The following ZFYVE28 variants were observed in gnomAD, a reference collection of about 807,000 sequenced individuals.
ZFYVE28 encodes zinc finger FYVE-type containing 28, also known as lateral signaling target protein 2 homolog.
A neutral mutation model predicts 82.1 loss-of-function variants in ZFYVE28; 40 were observed. The observed-to-expected ratio is 0.49, with a 90% confidence interval of 0.38 to 0.63. The LOEUF is 0.63. Among genes scored for constraint, ZFYVE28 ranks in the 30% least tolerant of loss-of-function variants. ZFYVE28 has a pLI of 0.00. For synonymous variants in ZFYVE28, 612 were observed against 546.1 expected (o/e 1.12, Z -1.68); for missense variants, 1,321 against 1,242.1 (o/e 1.06, Z -0.96).
intron 1 of ZFYVE28, among the ~76,000 whole-genome samples, chr4:2,357,143 C>T (rs187467633): frequency 2.1e-4 from 32 of 152,290 alleles, no homozygotes; most frequent in African/African-American, 7.2e-4. Flanking sequence ...ATGATCCATC[C>T]GCCTCGGCCT....
At chr4:2,380,038 T>A (rs9992058) in intron 1 of ZFYVE28, among the ~76,000 whole-genome samples, 27,286 of 152,096 alleles carry the variant, frequency 0.18, 2,867 homozygotes, top group African/African-American at 0.3. Flanking sequence ...GCACTGAGTG[T>A]TAGCATTTTC....
rs1424411831 is a variant in ZFYVE28 at position 2,372,586 on chromosome 4, C to CA, written c.40-18514dup. Reference sequence around the variant, plus strand: ...AGGGGTACACAGAGGTGCGGGCAGGCAGGGGTGCTGGGGTTCTGAACAGGG... The same window carrying CA: ...AGGGGTACACAGAGGTGCGGGCAGGCAAGGGGTGCTGGGGTTCTGAACAGGG... On this transcript the variant is annotated intron_variant, in intron 1 of 12. Coordinates refer to ENST00000290974, the MANE Select transcript of ZFYVE28 (RefSeq NM_020972.3). This position sits in a 1 kb window ranked among gnomAD's most constrained non-coding sequence, Gnocchi z 5.2. Among the ~76,000 whole-genome samples, 4 of 152,146 alleles carry CA rather than the reference C, an allele frequency of 2.6e-5. No homozygotes were observed. The highest frequency in any genetic ancestry group is 6.5e-5 in the Admixed American group (1 of 15,286).
Position 2,403,283 on chromosome 4 carries a change from G to T in ZFYVE28, c.39+15002C>A, listed in dbSNP as rs971991581. On this transcript the variant is annotated intron_variant, in intron 1 of 12. Coordinates refer to ENST00000290974, the MANE Select transcript of ZFYVE28 (RefSeq NM_020972.3). The stretch of plus-strand genomic sequence containing the variant: ...GGGTCTGCAGAGGGATCTGAGATGG[G>T]CAAAGGACTAGTGGGACCTTGTCAC... Among the ~76,000 whole-genome samples, 3 of 152,348 alleles carry T rather than the reference G, an allele frequency of 2.0e-5. No individual in the cohort carries two copies. In the East Asian group the frequency reaches 5.8e-4, roughly 29 times the overall value.
rs1373286311 is a variant in ZFYVE28, at chr4:2,409,478, T to C, written c.39+8807A>G. ...TCTGCAGCGACCCCACCTTGTCCCC[T>C]GTGCTCCAAGTGCACCCAGCCTTTC... On this transcript the variant is annotated intron_variant, in intron 1 of 12. Transcript: ENST00000290974. This position sits in a 1 kb window ranked among gnomAD's most constrained non-coding sequence, Gnocchi z 4.4. 2.6e-5 allele frequency among the ~76,000 whole-genome samples: 4 copies of C among 152,082 alleles called. No individual in the cohort carries two copies. The East Asian group carries it at 5.8e-4, about 22-fold the overall frequency.
intron 7 of ZFYVE28, among the ~76,000 whole-genome samples, chr4:2,312,628 T>C (rs1313234110): frequency 7.0e-6 from 1 of 143,802 alleles, no homozygotes; most frequent in Non-Finnish European, 1.5e-5. Context: ...CTCGGGAGGC[T>C]GAGGCAGGAG....
chr4:2,331,072 CGCTGGG>C, intron 6 of ZFYVE28: 1 of 1,050,744 alleles, frequency 9.5e-7, no homozygotes, highest in Non-Finnish European at 1.3e-6. Context: ...CAGGGGTAGA[CGCTGGG>C]ATGGGCTGGA....
At chr4:2,389,663 G>T (rs534238307) in intron 1 of ZFYVE28, among the ~76,000 whole-genome samples, 1 of 152,260 alleles carries the variant, frequency 6.6e-6, no homozygotes, top group Admixed American at 6.5e-5. Context: ...TCCCCGATCC[G>T]GCTCCTCTGT....
At chr4:2,342,378 T>G (rs987445050) in intron 2 of ZFYVE28, among the ~76,000 whole-genome samples, 1 of 152,194 alleles carries the variant, frequency 6.6e-6, no homozygotes, top group Admixed American at 6.5e-5. Flanking sequence ...TAAGCCTCAA[T>G]ACACAGCAAC....
At chr4:2,369,328 G>A (rs980041855) in intron 1 of ZFYVE28, among the ~76,000 whole-genome samples, 12 of 152,178 alleles carry the variant, frequency 7.9e-5, no homozygotes, top group African/African-American at 2.9e-4. Context: ...CCAAAGCCAT[G>A]GGCAAGTGTG....
intron 7 of ZFYVE28, among the ~76,000 whole-genome samples, chr4:2,309,142 T>C (rs1940154677): frequency 6.6e-6 from 1 of 152,150 alleles, no homozygotes; most frequent in South Asian, 2.1e-4. Context: ...ATTAATGCAT[T>C]TCTCATGAGA....
At chr4:2,404,862 T>TCTTTTTC (rs568490018) in intron 1 of ZFYVE28, among the ~76,000 whole-genome samples, 4,280 of 140,204 alleles carry the variant, frequency 0.031, 92 homozygotes, top group South Asian at 0.062. Flanking sequence ...TCGCTCTTTT[T>TCTTTTTC]TTTTTTTTTT....
intron 8 of ZFYVE28, chr4:2,285,803 G>A (rs1035624580): frequency 1.3e-5 from 2 of 152,510 alleles, no homozygotes; most frequent in African/African-American, 2.4e-5. Context: ...CTCAGCGGGA[G>A]GGAGGGAAAT....
In ZFYVE28 at chr4:2,338,532, G is replaced by A. The variant is rs182663592; in HGVS notation, c.521+921C>T. Among the ~76,000 whole-genome samples, 39 of 151,926 alleles carry A rather than the reference G, an allele frequency of 2.6e-4. No individual in the cohort carries two copies. The East Asian group carries it at 3.1e-3, about 12-fold the overall frequency. On this transcript the variant is annotated intron_variant, in intron 4 of 12. Transcript: ENST00000290974. The stretch of plus-strand genomic sequence containing the variant: ...GGCTTGAACTCAGGAGGTGGAGGTC[G>A]CGGTGAGCTGAGATCGTGCCACTGC...
intron 8 of ZFYVE28, among the ~76,000 whole-genome samples, chr4:2,278,223 T>TC (rs1736654709): frequency 6.6e-6 from 1 of 150,400 alleles, no homozygotes; most frequent in African/African-American, 2.4e-5. Context: ...TTCTCTCTTT[T>TC]TTTTTTTTTT....
Position 2,270,358 on chromosome 4 carries a change from CAG to C in ZFYVE28, c.*365_*366del. ...CAGATTCACCGCAACAGCAGAGGCG[CAG>C]AGTGGCCCCACTCTTGTCCACCTCC... is the stretch of plus-strand genomic sequence containing the variant. On this transcript the variant is annotated 3_prime_UTR_variant, in exon 13 of 13. Coordinates refer to ENST00000290974, the MANE Select transcript of ZFYVE28 (RefSeq NM_020972.3). 1 of 263,434 alleles carries C rather than the reference CAG, an allele frequency of 3.8e-6. No homozygotes were observed. The highest frequency in any genetic ancestry group is 7.3e-6 in the Non-Finnish European group (1 of 136,222). 16.3% of individuals were successfully genotyped at this position (263,434 alleles called of 1,614,324 possible).
intron 2 of ZFYVE28, among the ~76,000 whole-genome samples, chr4:2,351,455 C>T (rs529825419): frequency 3.3e-5 from 5 of 152,308 alleles, no homozygotes; most frequent in East Asian, 1.9e-4. Flanking sequence ...GACTCATGCC[C>T]GTAATCCCAG....
chr4:2,313,848 C>CAAAA (rs397958081), intron 7 of ZFYVE28, among the ~76,000 whole-genome samples: 16 of 80,762 alleles, frequency 2.0e-4, no homozygotes, highest in South Asian at 4.7e-4. Flanking sequence ...GACTCTGTCT[C>CAAAA]AAAAAAAAAA....
intron 2 of ZFYVE28, among the ~76,000 whole-genome samples, chr4:2,352,737 G>A (rs545958428): frequency 1.1e-4 from 16 of 152,222 alleles, no homozygotes; most frequent in Non-Finnish European, 7.4e-5. Flanking sequence ...TAGCTTGGCA[G>A]CCCCCACCTC....
intron 1 of ZFYVE28, among the ~76,000 whole-genome samples, chr4:2,361,904 C>T (rs1232324608): frequency 2.0e-5 from 3 of 152,154 alleles, no homozygotes; most frequent in African/African-American, 7.2e-5. Context: ...AGGATGGGAG[C>T]AGGCAGGTGG....
Sources: allele counts gnomAD v4.1 joint callset (sites outside exome capture counted in the v4.1 genomes callset), GRCh38; gene constraint gnomAD v4.1.1; non-coding constraint Gnocchi (gnomAD v3.1); transcripts MANE v1.5; gene names NCBI Gene and HGNC (gene_info 2026-07-23, HGNC 2026-07-21).